The following PLEKHM3 variants were observed in gnomAD, a reference collection of about 807,000 sequenced individuals.
PLEKHM3 encodes pleckstrin homology domain containing M3.
A neutral mutation model predicts 81.8 loss-of-function variants in PLEKHM3; 45 were observed. The ratio of observed to expected loss-of-function variants is 0.55; its 90% CI spans 0.43 to 0.71. The LOEUF is 0.71. Among genes scored for constraint, PLEKHM3 ranks in the 30% least tolerant of loss-of-function variants. PLEKHM3 has a pLI of 0.00. For synonymous variants in PLEKHM3, 352 were observed against 356.4 expected (o/e 0.99, Z 0.14); for missense variants, 788 against 924.3 (o/e 0.85, Z 1.91).
intron 6 of PLEKHM3, among the ~76,000 whole-genome samples, chr2:207,895,717 AG>A (rs1376566735): frequency 6.6e-6 from 1 of 152,202 alleles, no homozygotes; most frequent in Non-Finnish European, 1.5e-5. Flanking sequence ...CCGTTTTAGG[AG>A]GAAACCCGCT....
At chr2:207,930,823 A>G in intron 5 of PLEKHM3, 103 bp downstream of exon 5, 2 of 1,316,654 alleles carry the variant, frequency 1.5e-6, no homozygotes, top group Non-Finnish European at 2.1e-6. Flanking sequence ...CCACAAAATT[A>G]GAGGCGGTCC....
chr2:207,994,712 C>T (rs1383100576), intron 2 of PLEKHM3, among the ~76,000 whole-genome samples: 1 of 152,198 alleles, frequency 6.6e-6, no homozygotes, highest in Non-Finnish European at 1.5e-5. Flanking sequence ...ACTGCCTCTG[C>T]TGTCACTTTG....
rs1452767683 is a variant in PLEKHM3, at chr2:207,946,379, A to C, written c.1680T>G (p.Thr560=). Residue 560 remains threonine, a synonymous_variant, in exon 4 of 8, where the codon ACT becomes ACG. Transcript: ENST00000427836. ...TTTTTGTACCTACCTTATACTTTGA[A>C]GTATCCCAGTTGTGGACTATGCGTG... The part of the protein sequence containing the change: ...IPARIVHNWD[T]SKYKVSKQAK... The C allele has an allele frequency of 5.6e-6, 9 of 1,613,836 alleles. No homozygotes were observed. Among genetic ancestry groups the C allele is most frequent in the Non-Finnish European group, 6.8e-6 (8 of 1,179,880 alleles).
At chr2:208,017,863 C>T (rs150359944) in intron 1 of PLEKHM3, among the ~76,000 whole-genome samples, 1 of 152,226 alleles carries the variant, frequency 6.6e-6, no homozygotes, top group Non-Finnish European at 1.5e-5. Context: ...CTTTCCACTG[C>T]TCTCATGAAT....
intron 2 of PLEKHM3, among the ~76,000 whole-genome samples, chr2:207,991,652 A>C (rs1691904260): frequency 6.6e-6 from 1 of 152,144 alleles, no homozygotes; most frequent in Non-Finnish European, 1.5e-5. Flanking sequence ...CCTGGTTTTT[A>C]CTGTTGGTAT....
intron 1 of PLEKHM3, among the ~76,000 whole-genome samples, chr2:208,022,115 G>T (rs1035852209): frequency 2.6e-5 from 4 of 152,196 alleles, no homozygotes; most frequent in Non-Finnish European, 4.4e-5. Context: ...ATTCACCAAT[G>T]AGCTGTTCGG....
chr2:207,911,832 T>C (rs1688818346), intron 5 of PLEKHM3, among the ~76,000 whole-genome samples: 1 of 151,878 alleles, frequency 6.6e-6, no homozygotes, highest in Admixed American at 6.6e-5. Flanking sequence ...GGAGAAAGAG[T>C]TAAAAGGAAG....
chr2:207,995,987 A>G (rs1692108495), intron 2 of PLEKHM3, among the ~76,000 whole-genome samples: 1 of 152,238 alleles, frequency 6.6e-6, no homozygotes, highest in African/African-American at 2.4e-5. Flanking sequence ...AACTTCGGAC[A>G]GACTAAAGGG....
intron 2 of PLEKHM3, among the ~76,000 whole-genome samples, chr2:207,999,973 T>G (rs1692242273): frequency 6.6e-6 from 1 of 152,154 alleles, no homozygotes; most frequent in Non-Finnish European, 1.5e-5. Context: ...CATTAAAGGA[T>G]GAGTAGGGTG....
chr2:208,003,362 T>C (rs148705637), intron 1 of PLEKHM3, among the ~76,000 whole-genome samples: 9 of 152,252 alleles, frequency 5.9e-5, no homozygotes, highest in South Asian at 2.1e-4. Context: ...CAAAGGTAGA[T>C]AGATGTGCTT....
At chr2:207,831,998 G>C (rs2092291185) in intron 7 of PLEKHM3, among the ~76,000 whole-genome samples, 1 of 152,172 alleles carries the variant, frequency 6.6e-6, no homozygotes. Flanking sequence ...AAAACCCTGG[G>C]TTCCTTCAGT....
In PLEKHM3 at chr2:207,976,625, C is replaced by A; in HGVS notation, c.1546+26G>T. The A allele has an allele frequency of 6.3e-7, 1 of 1,594,078 alleles. No individual in the cohort carries two copies. Among genetic ancestry groups the A allele is most frequent in the Non-Finnish European group, 8.6e-7 (1 of 1,168,934 alleles). On this transcript the variant is annotated intron_variant, in intron 3 of 7. Transcript: ENST00000427836. This position sits in a 1 kb window ranked among gnomAD's most constrained non-coding sequence, Gnocchi z 4.1. ...GGGTTCAGGATTGTTCTTTAATGAG[C>A]TATAGGCTGAAAATCTGCTTCATAC...
intron 5 of PLEKHM3, among the ~76,000 whole-genome samples, chr2:207,913,824 T>C (rs1295091840): frequency 6.6e-6 from 1 of 151,824 alleles, no homozygotes; most frequent in Non-Finnish European, 1.5e-5. Context: ...AAAGTAGAGA[T>C]AACTGATGAA....
At chr2:207,946,269 T>C in intron 4 of PLEKHM3, 98 bp downstream of exon 4, 2 of 1,383,680 alleles carry the variant, frequency 1.4e-6, no homozygotes, top group Non-Finnish European at 2.0e-6. Flanking sequence ...CCTAATCATA[T>C]CTGCTTCAAA....
At chr2:207,989,862 C>A (rs753308308) in intron 2 of PLEKHM3, among the ~76,000 whole-genome samples, 1 of 152,232 alleles carries the variant, frequency 6.6e-6, no homozygotes, top group Non-Finnish European at 1.5e-5. Flanking sequence ...ACCTCTGAGT[C>A]ACAAGCATCA....
At chr2:207,973,814 A>G (rs1408676256) in intron 3 of PLEKHM3, among the ~76,000 whole-genome samples, 1 of 152,206 alleles carries the variant, frequency 6.6e-6, no homozygotes, top group Non-Finnish European at 1.5e-5. Flanking sequence ...AACCACAAGT[A>G]TCACAAAGCA....
At chr2:207,853,059 T>C (rs17537169) in intron 7 of PLEKHM3, among the ~76,000 whole-genome samples, 37,077 of 152,086 alleles carry the variant, frequency 0.24, 5,635 homozygotes, top group Non-Finnish European at 0.34. Context: ...TAAACTCAAC[T>C]ATTTGTGAGC....
At chr2:207,879,782 G>A (rs1453601527) in intron 6 of PLEKHM3, among the ~76,000 whole-genome samples, 1 of 152,126 alleles carries the variant, frequency 6.6e-6, no homozygotes, top group East Asian at 1.9e-4. Context: ...CTGCCAGAAA[G>A]GCCAAAATGG....
chr2:207,886,750 T>C (rs1183903038), intron 6 of PLEKHM3, among the ~76,000 whole-genome samples: 1 of 152,236 alleles, frequency 6.6e-6, no homozygotes, highest in African/African-American at 2.4e-5. Flanking sequence ...CATTATGTAA[T>C]TCAATGTCAT....
Sources: allele counts gnomAD v4.1 joint callset (sites outside exome capture counted in the v4.1 genomes callset), GRCh38; gene constraint gnomAD v4.1.1; non-coding constraint Gnocchi (gnomAD v3.1); transcripts MANE v1.5; gene names NCBI Gene and HGNC (gene_info 2026-07-23, HGNC 2026-07-21).